The following TCTN3 variants were observed in gnomAD, a reference collection of about 807,000 sequenced individuals.
The protein encoded by TCTN3 is tectonic family member 3.
A neutral mutation model predicts 71.3 loss-of-function variants in TCTN3; 57 were observed. The observed-to-expected ratio is 0.80, with a 90% confidence interval of 0.65 to 1.00. The LOEUF (loss-of-function observed/expected upper bound fraction) is 1.00. TCTN3 is among the 50% of genes least tolerant of loss of function. The probability of loss-of-function intolerance (pLI) is 0.00; values close to 1 mark genes in which losing one functional copy is unlikely to be tolerated. For synonymous variants in TCTN3, 258 were observed against 267.8 expected (o/e 0.96, Z 0.36); for missense variants, 696 against 719.9 (o/e 0.97, Z 0.38).
intron 13 of TCTN3, among the ~76,000 whole-genome samples, chr10:95,666,134 A>G (rs985876397): frequency 6.6e-6 from 1 of 151,244 alleles, no homozygotes; most frequent in Non-Finnish European, 1.5e-5. Context: ...TAGAGACAGG[A>G]TTTCACAGTG....
intron 13 of TCTN3, among the ~76,000 whole-genome samples, chr10:95,666,952 T>C (rs1019221355): frequency 3.3e-5 from 5 of 152,218 alleles, no homozygotes; most frequent in Admixed American, 3.3e-4. Flanking sequence ...TTTATCTGAC[T>C]CCTTTTAATT....
chr10:95,685,213 G>C (rs1297560560), intron 8 of TCTN3, among the ~76,000 whole-genome samples: 2 of 152,216 alleles, frequency 1.3e-5, no homozygotes, highest in African/African-American at 4.8e-5. Context: ...GACTGCAAGT[G>C]GGCAACAGAA....
intron 13 of TCTN3, among the ~76,000 whole-genome samples, chr10:95,677,474 G>GTTTTTTTTTTTTTTTTTTTTTT (rs10654251): frequency 3.0e-4 from 24 of 80,758 alleles, no homozygotes; most frequent in Admixed American, 6.1e-4. Flanking sequence ...GAAGTCTACA[G>GTTTTTTTTTTTTTTTTTTTTTT]TTTTTTTTGT....
rs752336366 is a variant in TCTN3, at chr10:95,683,133, A to C, written c.1266T>G (p.Phe422Leu). The C allele has an allele frequency of 3.1e-6, 5 of 1,614,028 alleles. No homozygotes were observed. The South Asian group carries it at 5.5e-5, about 18-fold the overall frequency. ...TGCATCCAGATATTGCATTCACTCC[A>C]AACTGCACTTCATGTCTTTTAACAG... is the stretch of plus-strand genomic sequence containing the variant. ...SCSVKRHEVQFGVNAISGCKL... is the reference protein window; with the variant it reads ...SCSVKRHEVQLGVNAISGCKL... The change falls in exon 11 of 14, where the codon TTT becomes TTG. Residue 422 changes from phenylalanine to leucine, a missense_variant. Transcript: ENST00000371217.
rs756071891 is a variant in TCTN3 at position 95,680,468 on chromosome 10, T to A, written c.1590+4A>T. 7.4e-6 allele frequency: 12 copies of A among 1,611,186 alleles called. No homozygotes were observed. Among genetic ancestry groups the A allele is most frequent in the Middle Eastern group, 1.6e-4 (1 of 6,066 alleles). ...TTAGTGATCCTTTATGAGCCATGAC[T>A]TACCTGTATAGACTGGCACTGGTAT... is the stretch of plus-strand genomic sequence containing the variant. On this transcript the variant is annotated splice_donor_region_variant and intron_variant, in intron 13 of 13. Transcript: ENST00000371217.
In TCTN3 at chr10:95,687,308, G is replaced by A. The variant is rs2097949322; in HGVS notation, c.675C>T (p.Ser225=). 3.7e-6 allele frequency: 6 copies of A among 1,614,174 alleles called. No homozygotes were observed. Among genetic ancestry groups the A allele is most frequent in the Non-Finnish European group, 5.1e-6 (6 of 1,180,020 alleles). Residue 225 remains serine, a synonymous_variant, in exon 5 of 14, where the codon AGC becomes AGT. Transcript: ENST00000371217. ...CAACTCCTGCAGGTTGTCTCAGCAA[G>A]CTTATTACAGACCACTTGGGGAAGT... ...LTYFPKWSVI[S]LLRQPAGVGA... is the part of the protein sequence containing the mutation.
At chr10:95,672,148 TA>T (rs2097932154) in intron 13 of TCTN3, among the ~76,000 whole-genome samples, 1 of 12,972 alleles carries the variant, frequency 7.7e-5, no homozygotes, top group Non-Finnish European at 1.7e-4. Flanking sequence ...CATTAAAAAT[TA>T]ATTATTATTA....
At chr10:95,678,987 T>C (rs1402818454) in intron 13 of TCTN3, among the ~76,000 whole-genome samples, 2 of 152,230 alleles carry the variant, frequency 1.3e-5, no homozygotes, top group African/African-American at 2.4e-5. Flanking sequence ...TCATACCACA[T>C]ATTAATACAT....
In TCTN3 at chr10:95,680,457, T is replaced by C. The variant is rs781078051; in HGVS notation, c.1590+15A>G. 86 of 1,602,530 alleles carry C rather than the reference T, an allele frequency of 5.4e-5. 1 individual carries two copies. Among genetic ancestry groups the C allele is most frequent in the Non-Finnish European group, 6.6e-5 (78 of 1,176,102 alleles). ...CTTTGCAAGGTTTAGTGATCCTTTA[T>C]GAGCCATGACTTACCTGTATAGACT... On this transcript the variant is annotated intron_variant, in intron 13 of 13. Transcript: ENST00000371217.
chr10:95,676,576 T>A (rs1013961645), intron 13 of TCTN3, among the ~76,000 whole-genome samples: 1 of 152,184 alleles, frequency 6.6e-6, no homozygotes, highest in Non-Finnish European at 1.5e-5. Flanking sequence ...AGTAAGGGCA[T>A]TGTTTCATAA....
At chr10:95,691,210 C>A (rs1160121685) in intron 3 of TCTN3, among the ~76,000 whole-genome samples, 2 of 152,132 alleles carry the variant, frequency 1.3e-5, no homozygotes, top group African/African-American at 4.8e-5. Context: ...GTTCTGTTAC[C>A]CAGGTTGGAG....
intron 2 of TCTN3, 122 bp from the exon 3 acceptor site, chr10:95,693,160 C>A (rs2097955236): frequency 8.4e-7 from 1 of 1,188,938 alleles, no homozygotes; most frequent in African/African-American, 1.5e-5. Context: ...TATAGGACGA[C>A]ACGAAGGTCT....
intron 6 of TCTN3, 31 bp downstream of exon 6, chr10:95,687,013 G>C: frequency 6.5e-7 from 1 of 1,534,530 alleles, no homozygotes; most frequent in South Asian, 1.1e-5. Flanking sequence ...CTTCATAGTA[G>C]TGACAGTGTA....
Position 95,682,753 on chromosome 10 carries a change from AAG to A in TCTN3, c.1348_1349del (p.Leu450SerfsTer14), listed in dbSNP as rs768525869. 3 of 1,614,054 alleles carry A rather than the reference AAG, an allele frequency of 1.9e-6. No homozygotes were observed. The highest frequency in any genetic ancestry group is 1.7e-6 in the Non-Finnish European group (2 of 1,180,028). ...SHLQQEIYQT[L>X]HGRPRPEYVA... is the part of the protein sequence containing the mutation. ...CATACTCTGGTCTGGGCCTTCCATG[AAG>A]AGTCTGATAAATCTCCTGCTGCAAG... is the stretch of plus-strand genomic sequence containing the variant. On this transcript the variant is annotated frameshift_variant, in exon 12 of 14. Transcript: ENST00000371217. LOFTEE classifies it high-confidence loss of function.
chr10:95,670,811 T>C (rs1589603967), intron 13 of TCTN3, among the ~76,000 whole-genome samples: 1 of 151,948 alleles, frequency 6.6e-6, no homozygotes. Context: ...TACAGGTGCA[T>C]GCCACCATGC....
At chr10:95,674,149 T>G (rs2097934351) in intron 13 of TCTN3, among the ~76,000 whole-genome samples, 1 of 152,222 alleles carries the variant, frequency 6.6e-6, no homozygotes, top group Non-Finnish European at 1.5e-5. Context: ...AATCTATAGA[T>G]CCATTTGAGG....
chr10:95,669,713 G>C (rs921353399), intron 13 of TCTN3, among the ~76,000 whole-genome samples: 1 of 152,040 alleles, frequency 6.6e-6, no homozygotes, highest in Non-Finnish European at 1.5e-5. Context: ...TGGAGGTAGG[G>C]AACTAACATA....
chr10:95,680,864 T>G (rs1481189602), intron 12 of TCTN3, among the ~76,000 whole-genome samples: 4 of 151,874 alleles, frequency 2.6e-5, no homozygotes, highest in Non-Finnish European at 5.9e-5. Context: ...CTGCAACCTT[T>G]GCCTCCCAGG....
At chr10:95,693,095 A>C in intron 2 of TCTN3, 57 bp from the exon 3 acceptor site, 1 of 1,393,092 alleles carries the variant, frequency 7.2e-7, no homozygotes, top group Non-Finnish European at 1.0e-6. Context: ...AGGTCCAAAA[A>C]AGAGTGTCCC....
Sources: gnomAD v4.1 joint callset for allele counts (sites outside exome capture counted in the v4.1 genomes callset) on GRCh38, gnomAD v4.1.1 for gene constraint, MANE v1.5 for transcripts, NCBI Gene and HGNC (gene_info 2026-07-23, HGNC 2026-07-21) for gene names.